Variants in FNTA observed in about 807,000 individuals in gnomAD.
The protein encoded by FNTA is farnesyltransferase, CAAX box, subunit alpha, also known as protein farnesyltransferase/geranylgeranyltransferase type-1 subunit alpha.
In FNTA, 27 loss-of-function variants were observed where a neutral mutation model predicts 55.2. The observed-to-expected ratio is 0.49, with a 90% CI of 0.36 to 0.67. The LOEUF is 0.67. Ranked by LOEUF, FNTA falls within the 30% of genes least tolerant of loss-of-function variation. The probability of loss-of-function intolerance (pLI) is 0.00; values close to 1 mark genes in which losing one functional copy is unlikely to be tolerated. For missense variants in FNTA, 422 were observed against 464.7 expected (o/e 0.91, Z 0.85); for synonymous variants, 176 against 170.7 (o/e 1.03, Z -0.24).
chr8:43,065,310 C>A (rs962978945), intron 3 of FNTA, among the ~76,000 whole-genome samples: 6 of 151,614 alleles, frequency 4.0e-5, no homozygotes, highest in Non-Finnish European at 8.8e-5. Context: ...TGCAGTGGTG[C>A]AATCTTGGCT....
intron 7 of FNTA, among the ~76,000 whole-genome samples, chr8:43,084,343 C>G (rs1420429217): frequency 6.6e-6 from 1 of 151,614 alleles, no homozygotes. Context: ...CCTCAGCCTC[C>G]CAAGTAGCTG....
intron 6 of FNTA, chr8:43,079,987 C>CT (rs1810992030): frequency 6.6e-6 from 1 of 152,300 alleles, no homozygotes; most frequent in South Asian, 2.1e-4. Context: ...TGTGACCGAA[C>CT]TGCTGCATCA....
At chr8:43,065,218 A>G (rs1203308552) in intron 3 of FNTA, among the ~76,000 whole-genome samples, 6 of 151,342 alleles carry the variant, frequency 4.0e-5, no homozygotes, top group Non-Finnish European at 2.9e-5. Context: ...TGAGCACTCA[A>G]TTTATGTTCA....
At position 43,077,043 on chromosome 8, in the gene FNTA, T is replaced by C. The variant is rs1586660343; in HGVS notation, c.634-173T>C. ...TGTCTTTCCAGGCTCTATCATCAAT[T>C]TCATACTTGTATCCCCCTCTATTTC... On this transcript the variant is annotated intron_variant, in intron 5 of 8. Coordinates refer to ENST00000302279, the MANE Select transcript of FNTA (RefSeq NM_002027.3). 6.5e-6 allele frequency: 3 copies of C among 462,898 alleles called. No individual in the cohort carries two copies. The East Asian group carries it at 1.0e-4, about 16-fold the overall frequency. The allele number at this position is 462,898 out of a possible 1,614,324, so 28.7% of individuals were successfully genotyped here.
intron 3 of FNTA, among the ~76,000 whole-genome samples, chr8:43,069,094 A>G (rs1810727329): frequency 6.6e-6 from 1 of 152,046 alleles, no homozygotes; most frequent in East Asian, 1.9e-4. Flanking sequence ...TTGTTAAATT[A>G]TACAGAGTAC....
At chr8:43,067,823 G>C (rs1939365513) in intron 3 of FNTA, among the ~76,000 whole-genome samples, 1 of 152,098 alleles carries the variant, frequency 6.6e-6, no homozygotes, top group African/African-American at 2.4e-5. Context: ...GGGTTCAAGT[G>C]ATTCTCGTGC....
At chr8:43,084,935 C>T (rs988067206) in intron 8 of FNTA, 54 bp downstream of exon 8, 4 of 1,487,096 alleles carry the variant, frequency 2.7e-6, no homozygotes, top group South Asian at 1.2e-5. Flanking sequence ...ATTGATCTGC[C>T]CAATACCACT....
intron 6 of FNTA, 149 bp from the exon 7 acceptor site, chr8:43,082,969 C>T (rs972758684): frequency 2.2e-6 from 1 of 461,898 alleles, no homozygotes; most frequent in Non-Finnish European, 3.9e-6. Flanking sequence ...TGACTTGAAC[C>T]TGGGAGGCGG....
At chr8:43,069,528 A>C in intron 3 of FNTA, 27 bp from the exon 4 acceptor site, 1 of 1,408,322 alleles carries the variant, frequency 7.1e-7, no homozygotes, top group Non-Finnish European at 1.0e-6. Flanking sequence ...TAATAATGCG[A>C]CTTTGGATGT....
chr8:43,060,661 G>C (rs1810509551), intron 2 of FNTA, among the ~76,000 whole-genome samples: 1 of 130,690 alleles, frequency 7.7e-6, no homozygotes, highest in East Asian at 2.3e-4. Context: ...GACGACAAGA[G>C]CAAAACTCTG....
chr8:43,084,607 CCTTTT>C lies in FNTA; in HGVS notation c.846-99_846-95del, dbSNP rs377133515. The C allele has an allele frequency of 1.8e-4, 152 of 827,066 alleles. 1 individual carries two copies. The Middle Eastern group carries it at 3.0e-3, about 16-fold the overall frequency. 51.2% of individuals were successfully genotyped at this position (827,066 alleles called of 1,614,324 possible). ...AGCGTCATTCATTCAAAATAACTCT[CCTTTT>C]CTTGTTTGTGTTTCAGGGTTTATTT... is the stretch of plus-strand genomic sequence containing the variant. On this transcript the variant is annotated intron_variant, in intron 7 of 8. Transcript: ENST00000302279.
rs143744532 is a variant in FNTA, at chr8:43,066,890, T to C, written c.402-2665T>C. Among the ~76,000 whole-genome samples the C allele has an allele frequency of 8.5e-5, 13 of 152,272 alleles. No individual in the cohort carries two copies. In the East Asian group the frequency reaches 2.5e-3, roughly 29 times the overall value. ...GTGTCTCTCAAAGAGGATTAAGTAG[T>C]TTATTGCCTAAGGAGTGTACATTTA... On this transcript the variant is annotated intron_variant, in intron 3 of 8. Coordinates refer to ENST00000302279, the MANE Select transcript of FNTA (RefSeq NM_002027.3).
At chr8:43,065,213 A>C (rs1239557032) in intron 3 of FNTA, among the ~76,000 whole-genome samples, 1 of 149,266 alleles carries the variant, frequency 6.7e-6, no homozygotes, top group Admixed American at 6.7e-5. Flanking sequence ...ACAAATGAGC[A>C]CTCAATTTAT....
rs529087916 is a variant in FNTA, at chr8:43,065,055, C to T, written c.401+840C>T. On this transcript the variant is annotated intron_variant, in intron 3 of 8. Coordinates refer to ENST00000302279, the MANE Select transcript of FNTA (RefSeq NM_002027.3). The stretch of plus-strand genomic sequence containing the variant: ...TTCACCATGTTGGTCAGGCTGGCCT[C>T]GATCTCCTGACCTCGTGATCCGCCC... 8.6e-5 allele frequency among the ~76,000 whole-genome samples: 13 copies of T among 151,748 alleles called. No homozygotes were observed. The East Asian group carries it at 2.3e-3, about 27-fold the overall frequency.
chr8:43,081,530 G>A (rs977325813), intron 6 of FNTA: 2 of 152,102 alleles, frequency 1.3e-5, no homozygotes, highest in Non-Finnish European at 2.9e-5. Flanking sequence ...GATTTGAAGC[G>A]AGGCAGCCTG....
intron 3 of FNTA, among the ~76,000 whole-genome samples, chr8:43,064,682 A>G (rs371996127): frequency 6.6e-6 from 1 of 151,824 alleles, no homozygotes. Context: ...AAAAGTAGCA[A>G]TCTCTAGCCC....
chr8:43,069,682 T>G, intron 4 of FNTA, 23 bp downstream of exon 4: 1 of 1,480,160 alleles, frequency 6.8e-7, no homozygotes, highest in Non-Finnish European at 9.4e-7. Context: ...TCTAGCTGTG[T>G]CTCCCAGGCT....
chr8:43,060,476 A>ACTAGCCTGGC (rs1299170835), intron 2 of FNTA, among the ~76,000 whole-genome samples: 14 of 152,082 alleles, frequency 9.2e-5, no homozygotes, highest in African/African-American at 3.1e-4. Flanking sequence ...GGAGTTTGAG[A>ACTAGCCTGGC]CTAGCCTGGC....
At chr8:43,074,415 C>T (rs972296451) in intron 5 of FNTA, among the ~76,000 whole-genome samples, 7 of 152,140 alleles carry the variant, frequency 4.6e-5, no homozygotes, top group Non-Finnish European at 1.0e-4. Context: ...TTCGCAGCTA[C>T]TCAGGAGGCT....
Sources: gnomAD v4.1 joint callset for allele counts (sites outside exome capture counted in the v4.1 genomes callset) on GRCh38, gnomAD v4.1.1 for gene constraint, MANE v1.5 for transcripts, NCBI Gene and HGNC (gene_info 2026-07-23, HGNC 2026-07-21) for gene names.